Variants in CSGALNACT1 observed in about 807,000 individuals in gnomAD.
CSGALNACT1 encodes the protein chondroitin sulfate N-acetylgalactosaminyltransferase 1.
Under a neutral mutation model 51.0 loss-of-function variants are expected in CSGALNACT1, and 52 were observed. That is an observed-to-expected ratio of 1.02 (90% CI 0.82 to 1.29). The LOEUF (loss-of-function observed/expected upper bound fraction) is 1.29. CSGALNACT1 is among the 50% of genes most tolerant of loss of function. The pLI, the probability that CSGALNACT1 is intolerant of heterozygous loss-of-function variation, is 0.00. For synonymous variants in CSGALNACT1, 341 were observed against 254.4 expected (o/e 1.34, Z -3.24); for missense variants, 935 against 679.2 (o/e 1.38, Z -4.19).
intron 4 of CSGALNACT1, among the ~76,000 whole-genome samples, chr8:19,461,892 T>C (rs2065614988): frequency 6.7e-6 from 1 of 148,406 alleles, no homozygotes; most frequent in Non-Finnish European, 1.5e-5. Context: ...GCAGCCACAT[T>C]TACCATGGAG....
At chr8:19,625,061 G>T (rs1008187926) in intron 1 of CSGALNACT1, among the ~76,000 whole-genome samples, 1 of 152,124 alleles carries the variant, frequency 6.6e-6, no homozygotes, top group African/African-American at 2.4e-5. Flanking sequence ...CCTAATCAAC[G>T]ACTGAACCAT....
chr8:19,658,062 C>CAACAA, intron 1 of CSGALNACT1, among the ~76,000 whole-genome samples: 1 of 86,686 alleles, frequency 1.2e-5, no homozygotes. Flanking sequence ...ACCCTCCTTC[C>CAACAA]AAAAAAAAAA....
intron 1 of CSGALNACT1, among the ~76,000 whole-genome samples, chr8:19,653,008 T>G (rs1474976348): frequency 2.0e-5 from 3 of 152,182 alleles, no homozygotes; most frequent in Non-Finnish European, 4.4e-5. Context: ...TAACTACTTA[T>G]AAGTTTGGGA....
At chr8:19,433,914 C>T (rs1034466664) in intron 6 of CSGALNACT1, among the ~76,000 whole-genome samples, 18 of 152,128 alleles carry the variant, frequency 1.2e-4, no homozygotes, top group Non-Finnish European at 2.6e-4. Context: ...TATCTCCAAC[C>T]CCATTTTGTT....
In CSGALNACT1 at chr8:19,458,535, TG is replaced by T; in HGVS notation, c.741del (p.Ile248SerfsTer2). 2 of 1,614,234 alleles carry T rather than the reference TG, an allele frequency of 1.2e-6. No individual in the cohort carries two copies. Among genetic ancestry groups the T allele is most frequent in the Non-Finnish European group, 1.7e-6 (2 of 1,180,046 alleles). On this transcript the variant is annotated frameshift_variant, in exon 5 of 10. Transcript: ENST00000454498. LOFTEE classifies it high-confidence loss of function. ...AGCTTTTCATTTTTCACTTTCATGA[TG>T]GGGCCGAATGGTCGAAATAAGATGA...
chr8:19,408,561 C>G, intron 9 of CSGALNACT1, 52 bp downstream of exon 8: 1 of 1,453,152 alleles, frequency 6.9e-7, no homozygotes. Flanking sequence ...CCTTCAAGGC[C>G]TACATGGGCC....
At chr8:19,539,192 G>A (rs1019797733) in intron 3 of CSGALNACT1, among the ~76,000 whole-genome samples, 3 of 151,630 alleles carry the variant, frequency 2.0e-5, no homozygotes, top group African/African-American at 7.3e-5. Flanking sequence ...GTGTGTGTGT[G>A]TGGTTAGGAA....
chr8:19,486,527 C>T (rs1223569901), intron 4 of CSGALNACT1, among the ~76,000 whole-genome samples: 2 of 152,154 alleles, frequency 1.3e-5, no homozygotes, highest in African/African-American at 2.4e-5. Flanking sequence ...CCCCTGCACA[C>T]TGCCCCTCGA....
intron 1 of CSGALNACT1, among the ~76,000 whole-genome samples, chr8:19,731,801 CT>C (rs1199108172): frequency 6.6e-6 from 1 of 152,188 alleles, no homozygotes; most frequent in Non-Finnish European, 1.5e-5. Flanking sequence ...ACAGCAGATA[CT>C]TACTTGCCAG....
At chr8:19,675,262 G>C (rs1278121888) in intron 1 of CSGALNACT1, among the ~76,000 whole-genome samples, 1 of 152,172 alleles carries the variant, frequency 6.6e-6, no homozygotes, top group African/African-American at 2.4e-5. Flanking sequence ...GATGTAGAGA[G>C]GAGTCAAATG....
At chr8:19,707,690 A>G (rs890362911) in intron 1 of CSGALNACT1, among the ~76,000 whole-genome samples, 10 of 124,480 alleles carry the variant, frequency 8.0e-5, no homozygotes, top group African/African-American at 2.8e-4. Context: ...TTAATCCACA[A>G]AAAAACCCCT....
At chr8:19,594,533 G>C (rs1004304109) in intron 2 of CSGALNACT1, among the ~76,000 whole-genome samples, 2 of 152,100 alleles carry the variant, frequency 1.3e-5, no homozygotes, top group East Asian at 1.9e-4. Context: ...CAATTAGCTA[G>C]TCCACACCCA....
intron 1 of CSGALNACT1, among the ~76,000 whole-genome samples, chr8:19,719,809 T>C (rs1450336777): frequency 6.6e-6 from 1 of 152,098 alleles, no homozygotes; most frequent in Non-Finnish European, 1.5e-5. Context: ...CAGGCAGCCA[T>C]ACATTCTTCC....
intron 8 of CSGALNACT1, among the ~76,000 whole-genome samples, chr8:19,412,585 C>A (rs1218933351): frequency 6.6e-6 from 1 of 152,232 alleles, no homozygotes; most frequent in Non-Finnish European, 1.5e-5. Flanking sequence ...GTCTGGTCTA[C>A]CTTGCATTCA....
intron 1 of CSGALNACT1, among the ~76,000 whole-genome samples, chr8:19,648,773 T>C (rs540723328): frequency 1.0e-3 from 155 of 152,176 alleles, no homozygotes; most frequent in African/African-American, 3.6e-3. Context: ...CCAACTGCAC[T>C]CCAGCCTGCG....
intron 2 of CSGALNACT1, among the ~76,000 whole-genome samples, chr8:19,595,527 A>G (rs2048699342): frequency 6.6e-6 from 1 of 152,216 alleles, no homozygotes; most frequent in Non-Finnish European, 1.5e-5. Context: ...TGAAAAAATT[A>G]AAGTATCAGC....
Position 19,536,549 on chromosome 8 carries a change from T to C in CSGALNACT1, c.-296-30419A>G, listed in dbSNP as rs547893974. ...ATGAATAGATGCATGGATTGGAAAATGTAATCAGGAGTTACATGACTCAAC... is the reference window on the plus strand; with the variant it reads ...ATGAATAGATGCATGGATTGGAAAACGTAATCAGGAGTTACATGACTCAAC... On this transcript the variant is annotated intron_variant, in intron 3 of 9. Coordinates refer to ENST00000454498, the Ensembl canonical transcript of CSGALNACT1. Among the ~76,000 whole-genome samples, 7 of 152,254 alleles carry C rather than the reference T, an allele frequency of 4.6e-5. No homozygotes were observed. In the East Asian group the frequency reaches 1.3e-3, roughly 29 times the overall value.
At chr8:19,506,848 G>A (rs908475008) in intron 3 of CSGALNACT1, among the ~76,000 whole-genome samples, 1 of 152,218 alleles carries the variant, frequency 6.6e-6, no homozygotes, top group South Asian at 2.1e-4. Context: ...CATGCTTCCT[G>A]TACAGCCTGC....
chr8:19,599,078 C>T lies in CSGALNACT1; in HGVS notation c.-416+2693G>A, dbSNP rs1380647408. 3.3e-5 allele frequency among the ~76,000 whole-genome samples: 5 copies of T among 151,434 alleles called. No individual in the cohort carries two copies. The East Asian group carries it at 9.8e-4, about 30-fold the overall frequency. On this transcript the variant is annotated intron_variant, in intron 2 of 9. Coordinates refer to ENST00000454498, the Ensembl canonical transcript of CSGALNACT1. ...GGAGTGACAGCTGGGGAGGAGTGAG[C>T]AGAAGGGCCAGAGGTGGGAGACAGG...
Sources: allele counts gnomAD v4.1 joint callset (sites outside exome capture counted in the v4.1 genomes callset), GRCh38; gene constraint gnomAD v4.1.1; transcripts MANE v1.5; gene names NCBI Gene and HGNC (gene_info 2026-07-23, HGNC 2026-07-21).